The following GALNTL6 variants were observed in gnomAD, a reference collection of about 807,000 sequenced individuals.
The protein encoded by GALNTL6 is polypeptide N-acetylgalactosaminyltransferase like 6.
In GALNTL6, 46 loss-of-function variants were observed where a neutral mutation model predicts 73.7. The ratio of observed to expected loss-of-function variants is 0.62; its 90% CI spans 0.49 to 0.80. GALNTL6 has a LOEUF of 0.80. GALNTL6 is among the 30% of genes least tolerant of loss of function. The pLI is 0.00. For synonymous variants in GALNTL6, 259 were observed against 263.7 expected (o/e 0.98, Z 0.17); for missense variants, 604 against 755.0 (o/e 0.80, Z 2.34).
At chr4:172,866,757 C>T (rs749462846) in intron 7 of GALNTL6, among the ~76,000 whole-genome samples, 12 of 152,156 alleles carry the variant, frequency 7.9e-5, no homozygotes, top group Non-Finnish European at 1.8e-4. Flanking sequence ...CCTGCCTTTT[C>T]CCTGGCCAAT....
At chr4:172,791,918 T>C (rs1343159292) in intron 5 of GALNTL6, among the ~76,000 whole-genome samples, 1 of 152,196 alleles carries the variant, frequency 6.6e-6, no homozygotes, top group Non-Finnish European at 1.5e-5. Context: ...TGCCTAGTCT[T>C]GGCATTCTAC....
intron 2 of GALNTL6, among the ~76,000 whole-genome samples, chr4:172,005,341 G>T (rs1740806030): frequency 6.6e-6 from 1 of 151,924 alleles, no homozygotes; most frequent in African/African-American, 2.4e-5. Context: ...TGCCCAGGCT[G>T]GCCTCAAACT....
intron 9 of GALNTL6, among the ~76,000 whole-genome samples, chr4:172,933,621 T>C (rs1195317521): frequency 6.6e-6 from 1 of 152,144 alleles, no homozygotes; most frequent in Non-Finnish European, 1.5e-5. Flanking sequence ...ACTGTCACTC[T>C]GAGAAACATT....
rs745628743 is a variant in GALNTL6 at position 172,809,384 on chromosome 4, G to A, written c.577G>A (p.Glu193Lys). The change falls in exon 6 of 13, where the codon GAA (glutamate) becomes AAA (lysine). Residue 193 changes from glutamate (E) to lysine (K), a missense_variant. By Grantham distance (56) the Glu-to-Lys change is moderately conservative. Transcript: ENST00000506823. This position sits in a 1 kb window ranked among gnomAD's most constrained non-coding sequence, Gnocchi z 4.4. ...AGAACACCTGAAGGATAAATTGGAA[G>A]AATACATGGCCCGATTTTCCAAAGT... Reference protein sequence around the residue: ...EREHLKDKLEEYMARFSKVRI... With the variant: ...EREHLKDKLEKYMARFSKVRI... 3 of 1,613,712 alleles carry A rather than the reference G, an allele frequency of 1.9e-6. No homozygotes were observed. Among genetic ancestry groups the A allele is most frequent in the Non-Finnish European group, 2.5e-6 (3 of 1,179,750 alleles).
intron 5 of GALNTL6, among the ~76,000 whole-genome samples, chr4:172,368,535 A>T (rs1742654799): frequency 6.6e-6 from 1 of 152,236 alleles, no homozygotes; most frequent in Non-Finnish European, 1.5e-5. Context: ...AGGTCTAGAG[A>T]TAGTTCCAAC....
intron 5 of GALNTL6, among the ~76,000 whole-genome samples, chr4:172,364,820 G>C (rs1468230216): frequency 6.6e-6 from 1 of 152,134 alleles, no homozygotes; most frequent in African/African-American, 2.4e-5. Flanking sequence ...GATTTGCTAG[G>C]TAGATAAATT....
chr4:172,882,295 G>A (rs1168580919), intron 7 of GALNTL6, among the ~76,000 whole-genome samples: 2 of 152,174 alleles, frequency 1.3e-5, no homozygotes, highest in African/African-American at 4.8e-5. Flanking sequence ...CTGCCGATCT[G>A]TAGTTTGTAA....
At position 172,276,785 on chromosome 4, in the gene GALNTL6, A is replaced by G. The variant is rs1440996907; in HGVS notation, c.248-34829A>G. 2.0e-5 allele frequency among the ~76,000 whole-genome samples: 3 copies of G among 152,284 alleles called. No individual in the cohort carries two copies. The East Asian group carries it at 5.8e-4, about 29-fold the overall frequency. On this transcript the variant is annotated intron_variant, in intron 3 of 12. Transcript: ENST00000506823. ...TATAAAGTCCTTTTATTCAGGTAGT[A>G]AGATATTATCATGCAGTATATTTCA... is the stretch of plus-strand genomic sequence containing the variant.
intron 2 of GALNTL6, among the ~76,000 whole-genome samples, chr4:172,157,193 A>C (rs1202021185): frequency 6.6e-6 from 1 of 152,216 alleles, no homozygotes; most frequent in Non-Finnish European, 1.5e-5. Context: ...GAAAGAGTAG[A>C]AAGACAATAG....
intron 2 of GALNTL6, among the ~76,000 whole-genome samples, chr4:172,214,329 A>T (rs1306714088): frequency 6.6e-6 from 1 of 152,070 alleles, no homozygotes; most frequent in African/African-American, 2.4e-5. Context: ...TATCTATAAA[A>T]TAGCTTGTCA....
Position 172,759,906 on chromosome 4 carries a change from G to A in GALNTL6, c.554-49455G>A, listed in dbSNP as rs978864574. ...CTGCGGACTGCAGTGGCGCAATCTC[G>A]GCTCACTGCAAGCTCTGCTTCCCGG... On this transcript the variant is annotated intron_variant, in intron 5 of 12. Coordinates refer to ENST00000506823, the MANE Select transcript of GALNTL6 (RefSeq NM_001034845.3). Among the ~76,000 whole-genome samples the A allele has an allele frequency of 3.1e-4, 41 of 132,844 alleles. 2 individuals carry two copies. Among genetic ancestry groups the A allele is most frequent in the African/African-American group, 1.1e-3 (35 of 33,232 alleles). The allele number at this position is 132,844 out of a possible 152,430, so 87.2% of individuals were successfully genotyped here. A position where few individuals can be genotyped will look rare whatever the true frequency, so the allele number is the denominator to read the frequency against.
At chr4:172,263,839 C>T (rs180697131) in intron 3 of GALNTL6, among the ~76,000 whole-genome samples, 4 of 151,512 alleles carry the variant, frequency 2.6e-5, no homozygotes, top group African/African-American at 4.8e-5. Context: ...AGTATGTGTA[C>T]ATGCAGGTAC....
chr4:172,718,172 GA>G (rs1735223585), intron 5 of GALNTL6, among the ~76,000 whole-genome samples: 1 of 152,192 alleles, frequency 6.6e-6, no homozygotes, highest in African/African-American at 2.4e-5. Flanking sequence ...CTATTGTGCA[GA>G]TAATTCAGAA....
chr4:172,605,003 A>G (rs2111032986), intron 5 of GALNTL6, among the ~76,000 whole-genome samples: 1 of 152,310 alleles, frequency 6.6e-6, no homozygotes. Flanking sequence ...ACATTGAAGG[A>G]GCACCTCAGA....
At chr4:171,985,740 T>TTA (rs144030359) in intron 2 of GALNTL6, among the ~76,000 whole-genome samples, 392 of 148,084 alleles carry the variant, frequency 2.6e-3, no homozygotes, top group African/African-American at 5.6e-3. Flanking sequence ...CTCTATAAAA[T>TTA]TATATATATA....
intron 2 of GALNTL6, among the ~76,000 whole-genome samples, chr4:172,029,884 T>C (rs564071984): frequency 2.0e-5 from 3 of 152,204 alleles, no homozygotes; most frequent in East Asian, 3.9e-4. Context: ...CCAAGCCCTA[T>C]AGGTAACAGT....
intron 8 of GALNTL6, among the ~76,000 whole-genome samples, chr4:172,917,723 G>A (rs1230538337): frequency 6.6e-6 from 1 of 152,174 alleles, no homozygotes; most frequent in East Asian, 1.9e-4. Flanking sequence ...CAGTTAGAAT[G>A]GGGATCATTA....
chr4:172,912,994 C>T (rs1474782894), intron 8 of GALNTL6, among the ~76,000 whole-genome samples: 5 of 152,116 alleles, frequency 3.3e-5, no homozygotes, highest in East Asian at 3.9e-4. Flanking sequence ...CTCATACAGC[C>T]GGGTAACCCT....
intron 2 of GALNTL6, among the ~76,000 whole-genome samples, chr4:172,063,651 A>C (rs1360727523): frequency 1.3e-5 from 2 of 152,132 alleles, no homozygotes; most frequent in African/African-American, 4.8e-5. Flanking sequence ...TCCTCAAATT[A>C]GTCTGTTCTT....
Sources: allele counts gnomAD v4.1 joint callset (sites outside exome capture counted in the v4.1 genomes callset), GRCh38; gene constraint gnomAD v4.1.1; non-coding constraint Gnocchi (gnomAD v3.1); transcripts MANE v1.5; gene names NCBI Gene and HGNC (gene_info 2026-07-23, HGNC 2026-07-21).